GRM8: variants seen among roughly 807,000 people sequenced by gnomAD.
The protein encoded by GRM8 is glutamate metabotropic receptor 8.
Under a neutral mutation model 87.2 loss-of-function variants are expected in GRM8, and 47 were observed. The ratio of observed to expected loss-of-function variants is 0.54; its 90% CI spans 0.43 to 0.69. GRM8 has a LOEUF of 0.69. Ranked by LOEUF, GRM8 falls within the 30% of genes least tolerant of loss-of-function variation. The pLI is 0.00. For missense variants in GRM8, 1,019 were observed against 1,139.2 expected, an observed-to-expected ratio of 0.89 and a Z score of 1.52; for synonymous variants, 396 against 404.5, an observed-to-expected ratio of 0.98 and a Z score of 0.25.
intron 8 of GRM8, among the ~76,000 whole-genome samples, chr7:126,557,994 A>C (rs962730443): frequency 6.6e-6 from 1 of 152,218 alleles, no homozygotes; most frequent in Non-Finnish European, 1.5e-5. Flanking sequence ...AATTAACATA[A>C]ATTCATACTA....
At chr7:127,156,090 A>G (rs1792711567) in intron 2 of GRM8, among the ~76,000 whole-genome samples, 1 of 152,194 alleles carries the variant, frequency 6.6e-6, no homozygotes, top group Non-Finnish European at 1.5e-5. Context: ...GACTATGAAG[A>G]AACTCTGAGG....
chr7:127,038,516 C>T (rs994971468), intron 3 of GRM8, among the ~76,000 whole-genome samples: 1 of 152,106 alleles, frequency 6.6e-6, no homozygotes, highest in Non-Finnish European at 1.5e-5. Context: ...CTGTTTATTT[C>T]ATATTAGTGT....
intron 8 of GRM8, among the ~76,000 whole-genome samples, chr7:126,562,011 G>A (rs1352483508): frequency 6.6e-6 from 1 of 152,064 alleles, no homozygotes; most frequent in African/African-American, 2.4e-5. Flanking sequence ...AGATGGGAAT[G>A]TGAATATAGG....
chr7:127,171,234 A>G (rs536389235), intron 2 of GRM8, among the ~76,000 whole-genome samples: 1 of 152,316 alleles, frequency 6.6e-6, no homozygotes, highest in Admixed American at 6.5e-5. Flanking sequence ...GTCGCTTCTT[A>G]TGGATGAGCA....
chr7:126,903,237 G>A (rs916028883), intron 5 of GRM8, among the ~76,000 whole-genome samples: 1 of 152,040 alleles, frequency 6.6e-6, no homozygotes, highest in Non-Finnish European at 1.5e-5. Context: ...GAGACCCCCT[G>A]GAAATAATGC....
intron 2 of GRM8, among the ~76,000 whole-genome samples, chr7:127,114,491 G>C (rs1297936412): frequency 6.6e-6 from 1 of 152,176 alleles, no homozygotes; most frequent in Non-Finnish European, 1.5e-5. Flanking sequence ...TTAAGGTCAT[G>C]AGTTGAATTC....
At chr7:127,011,553 C>T (rs530060050) in intron 3 of GRM8, among the ~76,000 whole-genome samples, 6 of 152,140 alleles carry the variant, frequency 3.9e-5, no homozygotes, top group Admixed American at 2.6e-4. Flanking sequence ...CTAATGAAGA[C>T]TTCTACAAAA....
intron 2 of GRM8, among the ~76,000 whole-genome samples, chr7:127,170,453 G>A (rs1793725678): frequency 6.6e-6 from 1 of 152,176 alleles, no homozygotes. Flanking sequence ...AGAACTAAAT[G>A]TAGAGCTACC....
At chr7:127,128,767 C>T (rs1827517855) in intron 2 of GRM8, among the ~76,000 whole-genome samples, 1 of 152,052 alleles carries the variant, frequency 6.6e-6, no homozygotes, top group Non-Finnish European at 1.5e-5. Flanking sequence ...TTCTGTGATA[C>T]TATATAGTTT....
At chr7:126,806,261 G>A (rs6944324) in intron 6 of GRM8, among the ~76,000 whole-genome samples, 2,487 of 152,162 alleles carry the variant, frequency 0.016, 62 homozygotes, top group African/African-American at 0.057. Flanking sequence ...TCTTAAAGGC[G>A]GCGCATCTGG....
chr7:126,632,747 C>T (rs1283203116), intron 7 of GRM8, among the ~76,000 whole-genome samples: 1 of 152,044 alleles, frequency 6.6e-6, no homozygotes, highest in Non-Finnish European at 1.5e-5. Context: ...ATGGATGGAG[C>T]TGGAAGCCAT....
At chr7:126,860,273 C>T (rs1036219116) in intron 6 of GRM8, among the ~76,000 whole-genome samples, 7 of 152,162 alleles carry the variant, frequency 4.6e-5, no homozygotes, top group South Asian at 2.1e-4. Context: ...TCTCTGACTT[C>T]GTCTTCTGTT....
At chr7:126,939,851 A>G (rs1158461516) in intron 3 of GRM8, among the ~76,000 whole-genome samples, 3 of 152,214 alleles carry the variant, frequency 2.0e-5, no homozygotes, top group Non-Finnish European at 4.4e-5. Context: ...ATTGTTTCTT[A>G]TTAGTGTCAC....
intron 3 of GRM8, among the ~76,000 whole-genome samples, chr7:126,954,653 G>A (rs1486072669): frequency 6.6e-6 from 1 of 152,064 alleles, no homozygotes; most frequent in Non-Finnish European, 1.5e-5. Flanking sequence ...GCAATTTAAT[G>A]TCCTTACTGT....
intron 3 of GRM8, among the ~76,000 whole-genome samples, chr7:127,054,281 G>A (rs766602575): frequency 6.6e-6 from 1 of 151,986 alleles, no homozygotes; most frequent in Admixed American, 6.6e-5. Flanking sequence ...AATAATGAGG[G>A]CCCAAAATGA....
intron 3 of GRM8, among the ~76,000 whole-genome samples, chr7:126,909,070 A>T (rs1484748415): frequency 6.6e-6 from 1 of 152,188 alleles, no homozygotes; most frequent in Non-Finnish European, 1.5e-5. Context: ...AGCTACAGAC[A>T]AAGACCGCCA....
At position 126,459,843 on chromosome 7, in the gene GRM8, C is replaced by G. The variant is rs149275763; in HGVS notation, c.2431-13471G>C. 7.5e-3 allele frequency among the ~76,000 whole-genome samples: 1,133 copies of G among 151,546 alleles called. 15 individuals are homozygous for G. The highest frequency in any genetic ancestry group is 0.025 in the African/African-American group (1,056 of 41,444). Reference sequence around the variant, plus strand: ...AGGGTGGAAAGCATAAGACAACTAACCACTTCCAACTCAGCCTCAAAGACT... The same window carrying G: ...AGGGTGGAAAGCATAAGACAACTAAGCACTTCCAACTCAGCCTCAAAGACT... On this transcript the variant is annotated intron_variant, in intron 9 of 10. Transcript: ENST00000339582.
chr7:126,880,439 T>C (rs553251737), intron 6 of GRM8, among the ~76,000 whole-genome samples: 1 of 152,298 alleles, frequency 6.6e-6, no homozygotes, highest in East Asian at 1.9e-4. Flanking sequence ...GTTAACTAAA[T>C]AGATTGAACT....
chr7:126,564,493 GA>G (rs936176184), intron 8 of GRM8, among the ~76,000 whole-genome samples: 5 of 151,312 alleles, frequency 3.3e-5, no homozygotes, highest in Admixed American at 6.6e-5. Flanking sequence ...AAAAGAAATG[GA>G]AAAAAAACAC....
Sources: allele counts gnomAD v4.1 joint callset (sites outside exome capture counted in the v4.1 genomes callset), GRCh38; gene constraint gnomAD v4.1.1; transcripts MANE v1.5; gene names NCBI Gene and HGNC (gene_info 2026-07-23, HGNC 2026-07-21).